EXOC4: variants seen among roughly 807,000 people sequenced by gnomAD.
The protein encoded by EXOC4 is exocyst complex component 4, also known as SEC8-like 1.
Under a neutral mutation model 107.2 loss-of-function variants are expected in EXOC4, and 71 were observed. That is an observed-to-expected ratio of 0.66 (90% confidence interval 0.55 to 0.81). The LOEUF (loss-of-function observed/expected upper bound fraction) is 0.81. Among genes scored for constraint, EXOC4 ranks in the 30% least tolerant of loss-of-function variants. The pLI, the probability that EXOC4 is intolerant of heterozygous loss-of-function variation, is 0.00. For synonymous variants in EXOC4, 456 were observed against 441.2 expected (o/e 1.03, Z -0.42); for missense variants, 1,108 against 1,189.6 (o/e 0.93, Z 1.01).
intron 10 of EXOC4, among the ~76,000 whole-genome samples, chr7:133,656,949 G>C (rs892329963): frequency 6.6e-6 from 1 of 152,114 alleles, no homozygotes; most frequent in East Asian, 1.9e-4. Context: ...GGGAACAAAA[G>C]CTCATTTATC....
At chr7:133,702,705 G>A (rs1362088917) in intron 10 of EXOC4, among the ~76,000 whole-genome samples, 1 of 152,104 alleles carries the variant, frequency 6.6e-6, no homozygotes, top group African/African-American at 2.4e-5. Flanking sequence ...GGATGAGGAA[G>A]CATTGTGCTA....
intron 9 of EXOC4, among the ~76,000 whole-genome samples, chr7:133,544,390 A>G (rs1800439392): frequency 1.3e-5 from 2 of 152,162 alleles, no homozygotes; most frequent in South Asian, 2.1e-4. Context: ...AGTGACTTTT[A>G]TAGTAACTTC....
At chr7:134,094,516 A>G in the EXOC4 span, among the ~76,000 whole-genome samples, 1 of 152,146 alleles carries the variant, frequency 6.6e-6, no homozygotes, top group Non-Finnish European at 1.5e-5. Flanking sequence ...TTCTGCTGAC[A>G]CTATTTTAAA....
intron 17 of EXOC4, among the ~76,000 whole-genome samples, chr7:134,056,412 C>G (rs1169780135): frequency 6.6e-6 from 1 of 152,178 alleles, no homozygotes; most frequent in Non-Finnish European, 1.5e-5. Flanking sequence ...TCTATTCACT[C>G]TTTCATATTT....
At chr7:133,517,153 G>A (rs1292331506) in intron 9 of EXOC4, among the ~76,000 whole-genome samples, 8 of 152,194 alleles carry the variant, frequency 5.3e-5, no homozygotes, top group Admixed American at 4.6e-4. Context: ...TATTAAGACA[G>A]TTGGAAGACA....
At chr7:133,576,677 A>G in intron 9 of EXOC4, 1 of 1,289,736 alleles carries the variant, frequency 7.8e-7, no homozygotes, top group Non-Finnish European at 1.0e-6. Context: ...AGAAGTGAGC[A>G]ATGGGAGCCG....
intron 10 of EXOC4, among the ~76,000 whole-genome samples, chr7:133,747,131 T>G (rs1585118734): frequency 6.6e-6 from 1 of 152,288 alleles, no homozygotes; most frequent in East Asian, 1.9e-4. Context: ...GTGACGTAAT[T>G]AGATGTGCAT....
intron 5 of EXOC4, among the ~76,000 whole-genome samples, chr7:133,322,994 A>G (rs1161006469): frequency 6.6e-6 from 1 of 152,126 alleles, no homozygotes; most frequent in Non-Finnish European, 1.5e-5. Context: ...ATGGGAGTTC[A>G]CTCATGATTT....
At chr7:133,367,650 TA>T (rs1796277289) in intron 6 of EXOC4, among the ~76,000 whole-genome samples, 1 of 152,172 alleles carries the variant, frequency 6.6e-6, no homozygotes, top group African/African-American at 2.4e-5. Flanking sequence ...CTAACGCCCC[TA>T]AAAAGGGACA....
chr7:133,691,648 C>A (rs1477003897), intron 10 of EXOC4, among the ~76,000 whole-genome samples: 1 of 151,840 alleles, frequency 6.6e-6, no homozygotes. Context: ...AAGAAGTAAG[C>A]GAGCAAAAAT....
intron 10 of EXOC4, among the ~76,000 whole-genome samples, chr7:133,645,659 G>C (rs1418491111): frequency 6.7e-6 from 1 of 148,906 alleles, no homozygotes; most frequent in Non-Finnish European, 1.5e-5. Flanking sequence ...GTCAGAACCA[G>C]GATATCAAGA....
intron 17 of EXOC4, among the ~76,000 whole-genome samples, chr7:134,015,172 C>T (rs1462728013): frequency 5.3e-5 from 8 of 152,134 alleles, no homozygotes; most frequent in Admixed American, 6.5e-5. Flanking sequence ...CTTATTAAGG[C>T]CTTCTCTCCT....
intron 5 of EXOC4, among the ~76,000 whole-genome samples, chr7:133,352,282 G>A (rs112292680): frequency 2.0e-5 from 3 of 151,986 alleles, no homozygotes; most frequent in African/African-American, 7.2e-5. Flanking sequence ...GTCTTCAACT[G>A]TTGTAGAACT....
At chr7:133,426,827 A>C (rs1797738484) in intron 7 of EXOC4, among the ~76,000 whole-genome samples, 1 of 152,224 alleles carries the variant, frequency 6.6e-6, no homozygotes, top group African/African-American at 2.4e-5. Flanking sequence ...GATCTTTTTC[A>C]TGAACATCTT....
At chr7:133,522,232 G>A (rs1417809294) in intron 9 of EXOC4, among the ~76,000 whole-genome samples, 1 of 152,062 alleles carries the variant, frequency 6.6e-6, no homozygotes, top group Non-Finnish European at 1.5e-5. Context: ...ATGTGTTTGA[G>A]TCTCTCTGAG....
chr7:133,976,362 G>T (rs896898505), intron 14 of EXOC4, among the ~76,000 whole-genome samples: 1 of 152,224 alleles, frequency 6.6e-6, no homozygotes, highest in Non-Finnish European at 1.5e-5. Context: ...GCGTCAGATG[G>T]CATCTGGCTT....
At chr7:133,300,281 CT>C (rs1794614186) in intron 3 of EXOC4, among the ~76,000 whole-genome samples, 1 of 152,198 alleles carries the variant, frequency 6.6e-6, no homozygotes, top group South Asian at 2.1e-4. Flanking sequence ...CTTTGGAACT[CT>C]GTCTTCAGTA....
At chr7:133,749,977 T>G (rs1052359519) in intron 10 of EXOC4, among the ~76,000 whole-genome samples, 4 of 147,808 alleles carry the variant, frequency 2.7e-5, no homozygotes, top group African/African-American at 9.9e-5. Context: ...TTTTTTTTTT[T>G]TTTTTTTTAA....
At chr7:133,663,936 C>CT (rs1793754094) in intron 10 of EXOC4, among the ~76,000 whole-genome samples, 1 of 152,080 alleles carries the variant, frequency 6.6e-6, no homozygotes. Context: ...TTACAGGGCC[C>CT]TAAATAATCT....
Sources: allele counts gnomAD v4.1 joint callset (sites outside exome capture counted in the v4.1 genomes callset), GRCh38; gene constraint gnomAD v4.1.1; transcripts MANE v1.5; gene names NCBI Gene and HGNC (gene_info 2026-07-23, HGNC 2026-07-21).